The following INO80 variants were observed in gnomAD, a reference collection of about 807,000 sequenced individuals.
INO80 encodes the protein chromatin-remodeling ATPase INO80.
A neutral mutation model predicts 203.4 loss-of-function variants in INO80; 20 were observed. The observed-to-expected ratio is 0.10, with a 90% CI of 0.07 to 0.14. INO80 has a LOEUF of 0.14. Among genes scored for constraint, INO80 ranks in the 10% least tolerant of loss-of-function variants. INO80 has a pLI of 1.00. For synonymous variants in INO80, 726 were observed against 685.2 expected (o/e 1.06, Z -0.93); for missense variants, 1,419 against 1,914.4 (o/e 0.74, Z 4.83).
At chr15:41,084,418 G>GC (rs373773377) in intron 7 of INO80, among the ~76,000 whole-genome samples, 86 of 152,200 alleles carry the variant, frequency 5.7e-4, no homozygotes, top group African/African-American at 2.0e-3. Context: ...AATTAGCTGG[G>GC]CATGGTGGCA....
chr15:40,987,785 C>T (rs763850975), intron 30 of INO80, 31 bp downstream of exon 30: 3 of 1,596,482 alleles, frequency 1.9e-6, no homozygotes, highest in East Asian at 2.2e-5. Flanking sequence ...TTTGCTCCAC[C>T]AGTGTAGGAA....
At chr15:41,042,463 G>T (rs1474746115) in intron 24 of INO80, among the ~76,000 whole-genome samples, 2 of 151,744 alleles carry the variant, frequency 1.3e-5, no homozygotes, top group Non-Finnish European at 2.9e-5. Context: ...TGAAAGCAGA[G>T]ATCTTTTAAA....
chr15:41,080,585 G>A (rs953465945), intron 8 of INO80, among the ~76,000 whole-genome samples: 1 of 152,212 alleles, frequency 6.6e-6, no homozygotes, highest in African/African-American at 2.4e-5. Context: ...GCCGGGCGCG[G>A]TGGCTCATGC....
At chr15:41,046,578 G>C (rs1435606097) in intron 23 of INO80, among the ~76,000 whole-genome samples, 2 of 151,114 alleles carry the variant, frequency 1.3e-5, no homozygotes, top group Admixed American at 6.6e-5. Flanking sequence ...GCAAAAGAAA[G>C]GTACAATTCA....
chr15:41,028,875 C>A (rs558841601), intron 24 of INO80, among the ~76,000 whole-genome samples: 22 of 152,162 alleles, frequency 1.4e-4, no homozygotes, highest in African/African-American at 5.3e-4. Context: ...AGTATTTTAA[C>A]AGACTTCATA....
chr15:41,039,203 C>G (rs1242473876), intron 24 of INO80, among the ~76,000 whole-genome samples: 2 of 152,180 alleles, frequency 1.3e-5, no homozygotes, highest in African/African-American at 2.4e-5. Context: ...GTCTTGCCTC[C>G]TGGCTCCAAG....
intron 6 of INO80, among the ~76,000 whole-genome samples, chr15:41,086,208 C>T (rs1030668269): frequency 6.6e-6 from 1 of 152,022 alleles, no homozygotes; most frequent in Non-Finnish European, 1.5e-5. Flanking sequence ...AAGAAAAAGA[C>T]ATATTGATAT....
chr15:41,011,265 C>G (rs890669386), intron 27 of INO80, among the ~76,000 whole-genome samples: 1 of 152,188 alleles, frequency 6.6e-6, no homozygotes, highest in Non-Finnish European at 1.5e-5. Flanking sequence ...TCAAGAGTGA[C>G]TCAGTTAGAA....
At chr15:41,064,166 A>G (rs142859545) in intron 14 of INO80, among the ~76,000 whole-genome samples, 1 of 152,322 alleles carries the variant, frequency 6.6e-6, no homozygotes, top group African/African-American at 2.4e-5. Context: ...TATATGCAAC[A>G]CTGCAATGAA....
chr15:41,036,848 G>A (rs1446433778), intron 24 of INO80, among the ~76,000 whole-genome samples: 4 of 152,178 alleles, frequency 2.6e-5, no homozygotes, highest in Non-Finnish European at 5.9e-5. Flanking sequence ...TTGGGAGGCC[G>A]AGGCAGGCCA....
Position 41,016,364 on chromosome 15 carries a change from G to A in INO80, c.3275-149C>T, listed in dbSNP as rs1021666879. The A allele has an allele frequency of 1.4e-5, 10 of 740,186 alleles. No homozygotes were observed. The Admixed American group carries it at 1.5e-4, about 11-fold the overall frequency. 45.9% of individuals were successfully genotyped at this position (740,186 alleles called of 1,614,324 possible). A position where few individuals can be genotyped will look rare whatever the true frequency, so the allele number is the denominator to read the frequency against. On this transcript the variant is annotated intron_variant, in intron 26 of 35. Transcript: ENST00000648947. ...AAGTGCTCTAAAGGGAGAATGCAACGCCCTGAAAATATCACGACTCCAGGA... is the reference window on the plus strand; with the variant it reads ...AAGTGCTCTAAAGGGAGAATGCAACACCCTGAAAATATCACGACTCCAGGA...
At chr15:40,996,969 G>C (rs2043889521) in intron 29 of INO80, among the ~76,000 whole-genome samples, 1 of 152,104 alleles carries the variant, frequency 6.6e-6, no homozygotes, top group Non-Finnish European at 1.5e-5. Flanking sequence ...AATATTTGTC[G>C]AATGAATGTG....
At chr15:41,082,001 G>A (rs532218446) in intron 7 of INO80, among the ~76,000 whole-genome samples, 3 of 152,220 alleles carry the variant, frequency 2.0e-5, no homozygotes, top group Admixed American at 2.0e-4. Context: ...TGTAATCCCA[G>A]CACTTTGGGA....
At chr15:41,018,059 C>T (rs1306148064) in intron 26 of INO80, 1 of 152,052 alleles carries the variant, frequency 6.6e-6, no homozygotes, top group Admixed American at 6.6e-5. Context: ...AGCTCCTAAA[C>T]ATTCACCACA....
Position 41,005,652 on chromosome 15 carries a change from C to T in INO80, c.3438G>A (p.Arg1146=). ...CCGAGATCTTGGATGAGCCATCAAG[C>T]CTCATGTAGGTATGCTTCCTGTAAA... ...YMVYRKHTYM[R]LDGSSKISER... Residue 1146 remains arginine (R), a synonymous_variant, in exon 28 of 36, where the codon AGG becomes AGA. Coordinates refer to ENST00000648947, the MANE Select transcript of INO80 (RefSeq NM_017553.3). The T allele has an allele frequency of 1.2e-6, 2 of 1,609,004 alleles. No individual in the cohort carries two copies. The highest frequency in any genetic ancestry group is 1.7e-6 in the Non-Finnish European group (2 of 1,175,780).
chr15:41,088,910 T>G (rs546517842), intron 5 of INO80, among the ~76,000 whole-genome samples: 1 of 152,202 alleles, frequency 6.6e-6, no homozygotes, highest in Non-Finnish European at 1.5e-5. Flanking sequence ...GTGGCTCAGC[T>G]GGGCGCCATG....
intron 14 of INO80, among the ~76,000 whole-genome samples, chr15:41,065,031 G>A (rs2045184877): frequency 2.0e-5 from 3 of 152,032 alleles, no homozygotes; most frequent in African/African-American, 4.8e-5. Context: ...GCAGTGTGGG[G>A]CTGTGTTCCA....
chr15:41,109,661 G>A (rs1481798515), intron 1 of INO80, among the ~76,000 whole-genome samples: 1 of 151,702 alleles, frequency 6.6e-6, no homozygotes, highest in Non-Finnish European at 1.5e-5. Context: ...GCCAGGTGCG[G>A]TGGCTCACAC....
intron 14 of INO80, among the ~76,000 whole-genome samples, chr15:41,067,759 C>G (rs2045245995): frequency 1.3e-5 from 2 of 152,174 alleles, no homozygotes. Context: ...ATCACTATTA[C>G]AGAGACCCAA....
Sources: allele counts gnomAD v4.1 joint callset (sites outside exome capture counted in the v4.1 genomes callset), GRCh38; gene constraint gnomAD v4.1.1; transcripts MANE v1.5; gene names NCBI Gene and HGNC (gene_info 2026-07-23, HGNC 2026-07-21).